The following UBL7 variants were observed in gnomAD, a reference collection of about 807,000 sequenced individuals.
UBL7 encodes ubiquitin-like protein 7.
A neutral mutation model predicts 41.7 loss-of-function variants in UBL7; 21 were observed. That is an observed-to-expected ratio of 0.50 (90% CI 0.36 to 0.73). The LOEUF (loss-of-function observed/expected upper bound fraction) is 0.73, where lower values mean the gene tolerates loss of function less well. UBL7 is among the 30% of genes least tolerant of loss of function. The probability of loss-of-function intolerance (pLI) is 0.00; values close to 1 mark genes in which losing one functional copy is unlikely to be tolerated. For missense variants in UBL7, 403 were observed against 478.4 expected, an observed-to-expected ratio of 0.84 and a Z score of 1.47; for synonymous variants, 157 against 186.9, an observed-to-expected ratio of 0.84 and a Z score of 1.31.
chr15:74,452,305 G>A lies in UBL7; in HGVS notation c.378C>T (p.Tyr126=). ...CGCAGCACACACTCACCGCCTCCCT[G>A]TAAGAGGAGCTGCTGTGCAGGGCAG... ...LHTALHSSSS[Y]REAVFKMLSN... Residue 126 remains tyrosine (Y), a synonymous_variant, in exon 4 of 11, where the codon TAC becomes TAT. Coordinates refer to ENST00000395081, the MANE Select transcript of UBL7 (RefSeq NM_032907.5). 6.4e-7 allele frequency: 1 copy of A among 1,557,436 alleles called. No individual in the cohort carries two copies.
Position 74,458,755 on chromosome 15 carries a change from T to C in UBL7, c.113A>G (p.Tyr38Cys). 1 of 1,614,042 alleles carries C rather than the reference T, an allele frequency of 6.2e-7. No homozygotes were observed. Residue 38 changes from tyrosine (Y) to cysteine (C), a missense_variant, in exon 2 of 11, where the codon TAT becomes TGT. Transcript: ENST00000395081. ...AAGCTGCTTCAGAAATGAAATACTA[T>C]AGCCCCCTAGCGAGTATTCTCCCAG... Reference protein sequence around the residue: ...TELGEYSLGGYSISFLKQLIA... With the variant: ...TELGEYSLGGCSISFLKQLIA...
At chr15:74,456,813 C>CT (rs950347504) in intron 2 of UBL7, 142 bp from the exon 3 acceptor site, 49,344 of 817,556 alleles carry the variant, frequency 0.06, 16 homozygotes, top group South Asian at 0.081. Flanking sequence ...TTAACAAATA[C>CT]TTTTTTTTTT....
chr15:74,446,081 G>A lies in UBL7; in HGVS notation c.*9C>T, dbSNP rs912532222. ...GCAACTTGCTGGGGGTTCAGGGGAAGCAGGGAGTTCATGGGGCTCCTCCAG... is the reference window on the plus strand; with the variant it reads ...GCAACTTGCTGGGGGTTCAGGGGAAACAGGGAGTTCATGGGGCTCCTCCAG... On this transcript the variant is annotated 3_prime_UTR_variant, in exon 11 of 11. Coordinates refer to ENST00000395081, the MANE Select transcript of UBL7 (RefSeq NM_032907.5). This position sits in a 1 kb window ranked among gnomAD's most constrained non-coding sequence, Gnocchi z 4.1. The A allele has an allele frequency of 6.2e-7, 1 of 1,613,416 alleles. No individual in the cohort carries two copies. Among genetic ancestry groups the A allele is most frequent in the Middle Eastern group, 1.7e-4 (1 of 5,994 alleles).
chr15:74,451,396 C>G, intron 5 of UBL7, 40 bp downstream of exon 5: 1 of 1,557,144 alleles, frequency 6.4e-7, no homozygotes, highest in Non-Finnish European at 8.8e-7. Flanking sequence ...TTCTCCTTTT[C>G]CGACAACTCC....
intron 2 of UBL7, among the ~76,000 whole-genome samples, chr15:74,457,608 G>A (rs1014010565): frequency 2.7e-5 from 4 of 149,770 alleles, no homozygotes; most frequent in African/African-American, 4.9e-5. Flanking sequence ...GTGGTTGTGC[G>A]GGCCTGTAAT....
chr15:74,460,419 T>A (rs1451329840), intron 1 of UBL7, among the ~76,000 whole-genome samples: 1 of 151,832 alleles, frequency 6.6e-6, no homozygotes, highest in East Asian at 1.9e-4. Context: ...ATAACAAAGC[T>A]CTCCCCTATT....
chr15:74,454,792 C>A (rs2061279976), intron 3 of UBL7, among the ~76,000 whole-genome samples: 1 of 152,116 alleles, frequency 6.6e-6, no homozygotes, highest in South Asian at 2.1e-4. Context: ...TGCTTTCAGG[C>A]AGTGGGAGTG....
At chr15:74,455,533 G>A (rs1463892745) in intron 3 of UBL7, among the ~76,000 whole-genome samples, 3 of 152,186 alleles carry the variant, frequency 2.0e-5, no homozygotes, top group Non-Finnish European at 2.9e-5. Context: ...GGAATAAACT[G>A]CAGCATTAGG....
At chr15:74,450,112 A>T in intron 6 of UBL7, 43 bp from the exon 7 acceptor site, 1 of 1,567,270 alleles carries the variant, frequency 6.4e-7, no homozygotes, top group Non-Finnish European at 8.7e-7. Flanking sequence ...ACTCCAAAAG[A>T]GCACCCTCAG....
intron 6 of UBL7, 78 bp from the exon 7 acceptor site, chr15:74,450,147 C>T (rs1469432686): frequency 4.8e-6 from 7 of 1,470,140 alleles, no homozygotes; most frequent in Non-Finnish European, 6.4e-6. Flanking sequence ...CTGGGTGCCC[C>T]CTCACAACAA....
At chr15:74,450,687 G>A (rs2061235980) in intron 6 of UBL7, 115 bp downstream of exon 6, 1 of 1,123,434 alleles carries the variant, frequency 8.9e-7, no homozygotes, top group Non-Finnish European at 1.3e-6. Flanking sequence ...CTAAGGGGTA[G>A]ACTTGGTGAC....
intron 4 of UBL7, among the ~76,000 whole-genome samples, 180 bp from the exon 5 acceptor site, chr15:74,451,700 G>A (rs2061247937): frequency 6.6e-6 from 1 of 151,238 alleles, no homozygotes; most frequent in Non-Finnish European, 1.5e-5. Context: ...TACTGGAGGG[G>A]AAACAAACAA....
intron 8 of UBL7, 67 bp downstream of exon 8, chr15:74,449,559 T>A (rs1186028071): frequency 6.2e-7 from 1 of 1,611,350 alleles, no homozygotes; most frequent in African/African-American, 1.3e-5. Flanking sequence ...GGTCCCAGGA[T>A]GCAGCTCATT....
intron 5 of UBL7, among the ~76,000 whole-genome samples, 163 bp downstream of exon 5, chr15:74,451,273 C>T (rs2141316040): frequency 6.6e-6 from 1 of 152,294 alleles, no homozygotes; most frequent in East Asian, 1.9e-4. Flanking sequence ...ACTGAGAGCT[C>T]TTAAAGGGCT....
chr15:74,451,647 C>T (rs2061247521), intron 4 of UBL7, 127 bp from the exon 5 acceptor site: 1 of 614,230 alleles, frequency 1.6e-6, no homozygotes. Context: ...GGAACAATAG[C>T]CCCAGAAACA....
At chr15:74,456,710 A>T in intron 2 of UBL7, 39 bp from the exon 3 acceptor site, 1 of 1,592,540 alleles carries the variant, frequency 6.3e-7, no homozygotes, top group Non-Finnish European at 8.6e-7. Context: ...TGCTCCTCAA[A>T]ACAAATTTAC....
chr15:74,453,391 GAGAC>G (rs2061267332), intron 3 of UBL7, among the ~76,000 whole-genome samples: 1 of 152,162 alleles, frequency 6.6e-6, no homozygotes, highest in African/African-American at 2.4e-5. Context: ...GACCTCAACA[GAGAC>G]GTGGATCCCA....
chr15:74,459,654 A>T (rs752448981), intron 1 of UBL7, among the ~76,000 whole-genome samples: 50 of 151,758 alleles, frequency 3.3e-4, no homozygotes, highest in Non-Finnish European at 5.6e-4. Context: ...TGACCAAGTC[A>T]CTTCTCTGCT....
At chr15:74,450,188 TCA>T in intron 6 of UBL7, 119 bp from the exon 7 acceptor site, 1 of 1,261,558 alleles carries the variant, frequency 7.9e-7, no homozygotes, top group Non-Finnish European at 1.1e-6. Context: ...CTCAAATTCC[TCA>T]GTCTTTAGCA....
Sources: allele counts gnomAD v4.1 joint callset (sites outside exome capture counted in the v4.1 genomes callset), GRCh38; gene constraint gnomAD v4.1.1; non-coding constraint Gnocchi (gnomAD v3.1); transcripts MANE v1.5; gene names NCBI Gene and HGNC (gene_info 2026-07-23, HGNC 2026-07-21).